Variants in SELENOO observed in about 807,000 individuals in gnomAD.
The protein encoded by SELENOO is protein adenylyltransferase SelO, mitochondrial.
In SELENOO, 74 loss-of-function variants were observed where a neutral mutation model predicts 58.7. The ratio of observed to expected loss-of-function variants is 1.26; its 90% CI spans 1.04 to 1.53. The LOEUF (loss-of-function observed/expected upper bound fraction) is 1.53. SELENOO is among the 40% of genes most tolerant of loss of function. The pLI, the probability that SELENOO is intolerant of heterozygous loss-of-function variation, is 0.00. For missense variants in SELENOO, 1,149 were observed against 970.0 expected (o/e 1.18, Z -2.45); for synonymous variants, 543 against 453.2 (o/e 1.20, Z -2.52).
chr22:50,201,054 A>T lies in SELENOO; in HGVS notation c.18A>T (p.Ala6=). ...GGCCGCGGATGGCCGTATACAGGGC[A>T]GCGCTCGGGGCTTCGCTCGCGGCTG... MAVYR[A]ALGASLAAAR... The change falls in exon 1 of 9, where the codon GCA becomes GCT. Residue 6 remains alanine (A), a synonymous_variant. Transcript: ENST00000380903. The T allele has an allele frequency of 4.5e-6, 6 of 1,343,738 alleles. No homozygotes were observed. The highest frequency in any genetic ancestry group is 1.9e-5 in the South Asian group (1 of 53,590). 83.2% of individuals were successfully genotyped at this position (1,343,738 alleles called of 1,614,324 possible).
chr22:50,204,052 G>A (rs1217981292), intron 1 of SELENOO, among the ~76,000 whole-genome samples: 1 of 152,156 alleles, frequency 6.6e-6, no homozygotes, highest in African/African-American at 2.4e-5. Context: ...TCAAAGATGT[G>A]GCCAATAAGC....
At chr22:50,212,552 C>A (rs952434919) in intron 5 of SELENOO, among the ~76,000 whole-genome samples, 1 of 152,230 alleles carries the variant, frequency 6.6e-6, no homozygotes, top group African/African-American at 2.4e-5. Context: ...ACAGCCGAGC[C>A]CTGGAGCTTG....
In SELENOO at chr22:50,217,533, T is replaced by C. The variant is rs1052692424; in HGVS notation, c.*164T>C. 2 of 1,054,914 alleles carry C rather than the reference T, an allele frequency of 1.9e-6. No individual in the cohort carries two copies. Among genetic ancestry groups the C allele is most frequent in the East Asian group, 2.6e-5 (1 of 38,164 alleles). 65.3% of individuals were successfully genotyped at this position (1,054,914 alleles called of 1,614,324 possible). A position where few individuals can be genotyped will look rare whatever the true frequency, so the allele number is the denominator to read the frequency against. On this transcript the variant is annotated 3_prime_UTR_variant, in exon 9 of 9. Coordinates refer to ENST00000380903, the MANE Select transcript of SELENOO (RefSeq NM_031454.2). ...AGACATCCAGTCAGGACCTGACCCG[T>C]CTCTGTCTGAGGCCGGCTCAGCAGT...
At position 50,206,428 on chromosome 22, in the gene SELENOO, C is replaced by G. The variant is rs774257219; in HGVS notation, c.666C>G (p.Ser222=). 13 of 1,614,170 alleles carry G rather than the reference C, an allele frequency of 8.1e-6. No homozygotes were observed. The highest frequency in any genetic ancestry group is 1.1e-5 in the Non-Finnish European group (13 of 1,180,028). ...CACGGGCCGGCGCCTGCGTCACGTC[C>G]GAGTCCACGGTGGTGCGCGACGTGT... ...PTTRAGACVT[S]ESTVVRDVFY... is the part of the protein sequence containing the mutation. Residue 222 remains serine, a synonymous_variant, in exon 2 of 9, where the codon TCC becomes TCG. Coordinates refer to ENST00000380903, the MANE Select transcript of SELENOO (RefSeq NM_031454.2).
intron 5 of SELENOO, 80 bp from the exon 6 acceptor site, chr22:50,215,637 G>GT: frequency 1.3e-5 from 2 of 154,064 alleles, no homozygotes; most frequent in East Asian, 1.6e-4. Context: ...CAGGGGGGTG[G>GT]GGGGGGGGGG....
chr22:50,216,841 C>T lies in SELENOO; in HGVS notation c.1653C>T (p.Asn551=). ...QLSAAELQSR[N]QGHWADWLQA... is the part of the protein sequence containing the mutation. ...GTGCGGCAGAGCTGCAGAGCAGGAACCAGGGCCACTGGGCTGACTGGCTAC... is the reference window on the plus strand; with the variant it reads ...GTGCGGCAGAGCTGCAGAGCAGGAATCAGGGCCACTGGGCTGACTGGCTAC... Residue 551 remains asparagine, a synonymous_variant, in exon 7 of 9, where the codon AAC becomes AAT. Transcript: ENST00000380903. The T allele has an allele frequency of 2.5e-6, 4 of 1,608,648 alleles. No homozygotes were observed. Among genetic ancestry groups the T allele is most frequent in the Non-Finnish European group, 3.4e-6 (4 of 1,179,892 alleles).
Position 50,216,700 on chromosome 22 carries a change from C to G in SELENOO, c.1512C>G (p.Ser504=). ...FRPQMDPRQL[S]MMLMLAQSNP... is the part of the protein sequence containing the mutation. Reference sequence around the variant, plus strand: ...CCTGGCCTCTCCACAGGCAGCTATCCATGATGCTGATGCTGGCGCAGTCAA... The same window carrying G: ...CCTGGCCTCTCCACAGGCAGCTATCGATGATGCTGATGCTGGCGCAGTCAA... Residue 504 remains serine (S), a synonymous_variant, in exon 7 of 9, where the codon TCC becomes TCG. Coordinates refer to ENST00000380903, the MANE Select transcript of SELENOO (RefSeq NM_031454.2). The G allele has an allele frequency of 6.3e-7, 1 of 1,592,404 alleles. No homozygotes were observed. The highest frequency in any genetic ancestry group is 8.5e-7 in the Non-Finnish European group (1 of 1,172,914).
chr22:50,201,193 C>A lies in SELENOO; in HGVS notation c.157C>A (p.Arg53Ser). The A allele has an allele frequency of 8.3e-7, 1 of 1,199,288 alleles. No homozygotes were observed. The highest frequency in any genetic ancestry group is 1.0e-6 in the Non-Finnish European group (1 of 967,636). 74.3% of individuals were successfully genotyped at this position (1,199,288 alleles called of 1,614,324 possible). A position where few individuals can be genotyped will look rare whatever the true frequency, so the allele number is the denominator to read the frequency against. ...RWLAGLRFDN[R>S]ALRALPVEAP... ...GCTGGCGGGGCTGCGCTTCGACAACCGCGCCCTGCGCGCCCTGCCCGTGGA... is the reference window on the plus strand; with the variant it reads ...GCTGGCGGGGCTGCGCTTCGACAACAGCGCCCTGCGCGCCCTGCCCGTGGA... The change falls in exon 1 of 9, where the codon CGC becomes AGC. Residue 53 changes from arginine (R) to serine (S), a missense_variant. Transcript: ENST00000380903.
rs1275035016 is a variant in SELENOO at position 50,201,030 on chromosome 22, G to A, written c.-7G>A. On this transcript the variant is annotated 5_prime_UTR_variant, in exon 1 of 9. Coordinates refer to ENST00000380903, the MANE Select transcript of SELENOO (RefSeq NM_031454.2). ...CAGGCTGGCTTCCGGCGGGAGCGGG[G>A]CCGCGGATGGCCGTATACAGGGCAG... 2 of 1,264,102 alleles carry A rather than the reference G, an allele frequency of 1.6e-6. No individual in the cohort carries two copies. The highest frequency in any genetic ancestry group is 1.6e-5 in the African/African-American group (1 of 64,084). The allele number at this position is 1,264,102 out of a possible 1,614,324, so 78.3% of individuals were successfully genotyped here.
At position 50,208,727 on chromosome 22, in the gene SELENOO, C is replaced by T. The variant is rs372486172; in HGVS notation, c.939+11C>T. The T allele has an allele frequency of 1.5e-4, 235 of 1,607,638 alleles. No homozygotes were observed. The African/African-American group carries it at 1.8e-3, about 13-fold the overall frequency. On this transcript the variant is annotated intron_variant, in intron 3 of 8. Coordinates refer to ENST00000380903, the MANE Select transcript of SELENOO (RefSeq NM_031454.2). ...GCCTTCTTCCGGGAGGTCAGTGGGC[C>T]GCACGCCACCCCTCCCTGCGGGTGG...
In SELENOO at chr22:50,201,196, G is replaced by T; in HGVS notation, c.160G>T (p.Ala54Ser). The change falls in exon 1 of 9, where the codon GCC becomes TCC. Residue 54 changes from alanine to serine, a missense_variant. By Grantham distance (99) the Ala-to-Ser change is moderately conservative. Transcript: ENST00000380903. The stretch of plus-strand genomic sequence containing the variant: ...GGCGGGGCTGCGCTTCGACAACCGC[G>T]CCCTGCGCGCCCTGCCCGTGGAGGC... The part of the protein sequence containing the change: ...WLAGLRFDNR[A>S]LRALPVEAPP... The T allele has an allele frequency of 2.5e-6, 3 of 1,199,232 alleles. No homozygotes were observed. In the South Asian group the frequency reaches 1.2e-4, roughly 47 times the overall value. 74.3% of individuals were successfully genotyped at this position (1,199,232 alleles called of 1,614,324 possible).
At chr22:50,213,772 C>T (rs111897121) in intron 5 of SELENOO, among the ~76,000 whole-genome samples, 3,327 of 152,044 alleles carry the variant, frequency 0.022, 130 homozygotes, top group African/African-American at 0.076. Context: ...CTCAGCCTCC[C>T]GAGTAGCTGG....
chr22:50,208,702 G>A lies in SELENOO; in HGVS notation c.925G>A (p.Ala309Thr). Residue 309 changes from alanine (A) to threonine (T), a missense_variant, in exon 3 of 9, where the codon GCC (alanine) becomes ACC (threonine). Transcript: ENST00000380903. Reference protein sequence around the residue: ...HASDSVQRNAAFFREVTRRTA... With the variant: ...HASDSVQRNATFFREVTRRTA... ...CAGCGACAGCGTGCAGAGAAATGCT[G>A]CCTTCTTCCGGGAGGTCAGTGGGCC... 3.1e-6 allele frequency: 5 copies of A among 1,612,552 alleles called. No individual in the cohort carries two copies. Among genetic ancestry groups the A allele is most frequent in the Non-Finnish European group, 4.2e-6 (5 of 1,179,518 alleles).
intron 3 of SELENOO, 65 bp downstream of exon 3, chr22:50,208,781 A>G: frequency 6.7e-7 from 1 of 1,493,196 alleles, no homozygotes; most frequent in Non-Finnish European, 9.2e-7. Flanking sequence ...TGTGTTGAAG[A>G]CACCCTCATT....
chr22:50,216,853 G>A lies in SELENOO; in HGVS notation c.1665G>A (p.Trp555Ter), dbSNP rs753787178. The change falls in exon 7 of 9, where the codon TGG becomes TGA. Residue 555 changes from tryptophan to a stop codon, truncating the protein, a stop_gained. Coordinates refer to ENST00000380903, the MANE Select transcript of SELENOO (RefSeq NM_031454.2). LOFTEE classifies it high-confidence loss of function. ...AELQSRNQGH[W>*]ADWLQAYRAR... ...TGCAGAGCAGGAACCAGGGCCACTG[G>A]GCTGACTGGCTACAGGCGTACAGGT... is the stretch of plus-strand genomic sequence containing the variant. The A allele has an allele frequency of 1.9e-6, 3 of 1,608,144 alleles. No homozygotes were observed. Among genetic ancestry groups the A allele is most frequent in the South Asian group, 1.1e-5 (1 of 91,052 alleles).
intron 6 of SELENOO, among the ~76,000 whole-genome samples, chr22:50,216,341 C>T (rs970640594): frequency 3.9e-5 from 6 of 152,252 alleles, no homozygotes; most frequent in South Asian, 2.1e-4. Flanking sequence ...CTGGAGAAGG[C>T]GTGGCCCCTG....
rs1296484059 is a variant in SELENOO, at chr22:50,216,990, C to CCTGG, written c.1708_1711dup (p.Glu571AlafsTer13). The CCTGG allele has an allele frequency of 6.2e-7, 1 of 1,610,628 alleles. No homozygotes were observed. The highest frequency in any genetic ancestry group is 1.7e-5 in the Admixed American group (1 of 59,990). ...ATTCCAGAGCCCGGCTGGACAAGGA[C>CCTGG]CTGGAAGGCGCTGGGGACGCTGCCG... On this transcript the variant is annotated frameshift_variant, in exon 8 of 9. Coordinates refer to ENST00000380903, the MANE Select transcript of SELENOO (RefSeq NM_031454.2). LOFTEE classifies it high-confidence loss of function.
intron 3 of SELENOO, 25 bp from the exon 4 acceptor site, chr22:50,210,156 G>C: frequency 1.2e-6 from 2 of 1,608,782 alleles, no homozygotes; most frequent in South Asian, 2.2e-5. Context: ...CCCGAGGAGG[G>C]AGCAAGCACA....
Position 50,215,933 on chromosome 22 carries a change from G to A in SELENOO, c.1502+66G>A, listed in dbSNP as rs542739676. On this transcript the variant is annotated intron_variant, in intron 6 of 8. Transcript: ENST00000380903. ...AAAGGAAGCATAATCAGAAACAGAG[G>A]CTGGGGGAGAAGCTAGAGACAGAGC... 6 of 1,434,212 alleles carry A rather than the reference G, an allele frequency of 4.2e-6. No homozygotes were observed. The South Asian group carries it at 6.2e-5, about 15-fold the overall frequency. 88.8% of individuals were successfully genotyped at this position (1,434,212 alleles called of 1,614,324 possible). A position where few individuals can be genotyped will look rare whatever the true frequency, so the allele number is the denominator to read the frequency against.
Sources: allele counts gnomAD v4.1 joint callset (sites outside exome capture counted in the v4.1 genomes callset), GRCh38; gene constraint gnomAD v4.1.1; transcripts MANE v1.5; gene names NCBI Gene and HGNC (gene_info 2026-07-23, HGNC 2026-07-21).